Variants in COL4A6 observed in about 807,000 individuals in gnomAD.
COL4A6 encodes the protein collagen type IV alpha 6 chain.
In COL4A6, 59 loss-of-function variants were observed where a neutral mutation model predicts 126.7. That is an observed-to-expected ratio of 0.47 (90% CI 0.38 to 0.58). The LOEUF is 0.58. COL4A6 is among the 20% of genes least tolerant of loss of function. The pLI, the probability that COL4A6 is intolerant of heterozygous loss-of-function variation, is 0.00. For synonymous variants in COL4A6, 547 were observed against 496.6 expected (o/e 1.10, Z -1.35); for missense variants, 1,285 against 1,337.3 (o/e 0.96, Z 0.61).
intron 3 of COL4A6, among the ~76,000 whole-genome samples, chrX:108,307,593 C>T (rs777076284): frequency 3.0e-4 from 34 of 112,304 alleles, no homozygotes; most frequent in Non-Finnish European, 5.4e-4. Flanking sequence ...GCAAGCTATG[C>T]GCTTGATGTT....
intron 2 of COL4A6, among the ~76,000 whole-genome samples, chrX:108,323,917 G>T (rs1047119268): frequency 8.9e-6 from 1 of 111,934 alleles, no homozygotes; most frequent in Non-Finnish European, 1.9e-5. Context: ...TGCGCAATGC[G>T]TGGAGAAACT....
At chrX:108,438,138 A>C (rs1360286187) in intron 1 of COL4A6, 48 bp downstream of exon 1, 4 of 1,208,131 alleles carry the variant, frequency 3.3e-6, no homozygotes, top group Non-Finnish European at 4.5e-6. Flanking sequence ...CTGGCAAAGT[A>C]ACCCGAAGTA....
chrX:108,283,845 T>C (rs950959103), intron 3 of COL4A6, among the ~76,000 whole-genome samples: 1 of 110,747 alleles, frequency 9.0e-6, no homozygotes, highest in Non-Finnish European at 1.9e-5. Context: ...AAAGAGGGCT[T>C]GGGAGGAAGG....
chrX:108,173,091 ACTAT>A (rs1255716244), intron 31 of COL4A6, among the ~76,000 whole-genome samples: 2 of 112,623 alleles, frequency 1.8e-5, no homozygotes, highest in East Asian at 5.6e-4. Context: ...TGTCCAACAC[ACTAT>A]CTGAGTCTGG....
chrX:108,269,171 T>C, intron 3 of COL4A6: 1 of 329,526 alleles, frequency 3.0e-6, no homozygotes, highest in South Asian at 2.6e-5. Context: ...AAAAAAAAAA[T>C]AATAGATCAG....
At chrX:108,295,028 T>C (rs1217908791) in intron 3 of COL4A6, among the ~76,000 whole-genome samples, 1 of 112,636 alleles carries the variant, frequency 8.9e-6, no homozygotes, top group Non-Finnish European at 1.9e-5. Flanking sequence ...TGTGTTATCC[T>C]TATCATTTTT....
intron 3 of COL4A6, among the ~76,000 whole-genome samples, chrX:108,266,286 G>A (rs1467744362): frequency 9.0e-6 from 1 of 111,094 alleles, no homozygotes; most frequent in African/African-American, 3.3e-5. Flanking sequence ...GGTGGGATGG[G>A]GAAATAGGTG....
intron 3 of COL4A6, among the ~76,000 whole-genome samples, chrX:108,300,410 A>G (rs2038456212): frequency 9.6e-6 from 1 of 104,490 alleles, no homozygotes; most frequent in Admixed American, 1.0e-4. Context: ...ATTCAGGAAT[A>G]GAGAAAACCA....
chrX:108,237,121 G>A (rs1021067806), intron 3 of COL4A6, among the ~76,000 whole-genome samples: 4 of 111,398 alleles, frequency 3.6e-5, no homozygotes, highest in Non-Finnish European at 7.5e-5. Context: ...ACCTAGCTCA[G>A]TCCCTCATTA....
At chrX:108,234,932 T>C (rs981670177) in intron 3 of COL4A6, among the ~76,000 whole-genome samples, 7 of 111,484 alleles carry the variant, frequency 6.3e-5, no homozygotes, top group Non-Finnish European at 1.3e-4. Flanking sequence ...CGAGGATGAC[T>C]GGGGAGGGCC....
At position 108,220,183 on chromosome X, in the gene COL4A6, A is replaced by G. The variant is rs183501720; in HGVS notation, c.280-441T>C. The stretch of plus-strand genomic sequence containing the variant: ...CAATTTCTTGCTGGCCTACTGGACT[A>G]TTCAAACAAGCCAATTGCATCCACC... On this transcript the variant is annotated intron_variant, in intron 4 of 44. Transcript: ENST00000334504. Among the ~76,000 whole-genome samples, 713 of 111,845 alleles carry G rather than the reference A, an allele frequency of 6.4e-3. 6 individuals carry two copies. Among genetic ancestry groups the G allele is most frequent in the South Asian group, 0.052 (136 of 2,620 alleles).
chrX:108,437,075 T>C (rs1457321793), intron 2 of COL4A6, among the ~76,000 whole-genome samples: 1 of 111,838 alleles, frequency 8.9e-6, no homozygotes, highest in Non-Finnish European at 1.9e-5. Flanking sequence ...TACTCAACAA[T>C]TGAACAACTT....
At chrX:108,174,402 C>A in intron 31 of COL4A6, 38 bp downstream of exon 31, 1 of 1,194,811 alleles carries the variant, frequency 8.4e-7, no homozygotes, top group Non-Finnish European at 1.1e-6. Context: ...GATGGGGGGC[C>A]TTTTCTGGTA....
At chrX:108,245,107 G>A (rs769944762) in intron 3 of COL4A6, among the ~76,000 whole-genome samples, 1 of 112,283 alleles carries the variant, frequency 8.9e-6, no homozygotes, top group African/African-American at 3.2e-5. Context: ...CAAGACAAAC[G>A]TCTTTCATGA....
intron 3 of COL4A6, among the ~76,000 whole-genome samples, chrX:108,281,816 C>G (rs28802974): frequency 6.3e-5 from 7 of 110,418 alleles, no homozygotes; most frequent in Non-Finnish European, 1.1e-4. Flanking sequence ...CAATGGAACA[C>G]AACAGAGCCC....
At chrX:108,362,754 G>A (rs761336300) in intron 2 of COL4A6, among the ~76,000 whole-genome samples, 4 of 111,588 alleles carry the variant, frequency 3.6e-5, no homozygotes, top group Non-Finnish European at 7.5e-5. Context: ...TGTAGAACAC[G>A]GTAAATCCCT....
At chrX:108,296,248 C>G (rs1305758658) in intron 3 of COL4A6, among the ~76,000 whole-genome samples, 2 of 112,469 alleles carry the variant, frequency 1.8e-5, no homozygotes, top group East Asian at 5.6e-4. Context: ...CTCTGTCAAA[C>G]CCAACAGATA....
intron 2 of COL4A6, among the ~76,000 whole-genome samples, chrX:108,368,464 A>G (rs1028618680): frequency 2.7e-5 from 3 of 110,998 alleles, no homozygotes; most frequent in Non-Finnish European, 5.7e-5. Context: ...CTAGGGTATT[A>G]CAGTACACTA....
chrX:108,238,095 GGT>G (rs1257965116), intron 3 of COL4A6, among the ~76,000 whole-genome samples: 7 of 97,435 alleles, frequency 7.2e-5, no homozygotes, highest in East Asian at 3.1e-4. Context: ...TCTGGTTTTG[GGT>G]GTGTGTGTGT....
Sources: allele counts gnomAD v4.1 joint callset (sites outside exome capture counted in the v4.1 genomes callset), GRCh38; gene constraint gnomAD v4.1.1; transcripts MANE v1.5; gene names NCBI Gene and HGNC (gene_info 2026-07-23, HGNC 2026-07-21).